Variants in CBL observed in about 807,000 individuals in gnomAD.
CBL encodes the protein Cbl proto-oncogene.
In CBL, 45 loss-of-function variants were observed where a neutral mutation model predicts 96.9. The ratio of observed to expected loss-of-function variants is 0.46; its 90% CI spans 0.37 to 0.60. The LOEUF is 0.60. Among genes scored for constraint, CBL ranks in the 20% least tolerant of loss-of-function variants. The pLI is 0.00. For missense variants in CBL, 1,024 were observed against 1,143.5 expected (o/e 0.90, Z 1.51); for synonymous variants, 420 against 426.8 (o/e 0.98, Z 0.20).
At chr11:119,214,673 T>C (rs1212952808) in intron 1 of CBL, among the ~76,000 whole-genome samples, 2 of 152,240 alleles carry the variant, frequency 1.3e-5, no homozygotes, top group Non-Finnish European at 2.9e-5. Flanking sequence ...TGTGTGGTGA[T>C]CATAGAGGCT....
At chr11:119,207,208 G>A (rs1483529886) in intron 1 of CBL, among the ~76,000 whole-genome samples, 2 of 152,174 alleles carry the variant, frequency 1.3e-5, no homozygotes, top group African/African-American at 2.4e-5. Context: ...GGCAAGGAAA[G>A]AACTTTCCTC....
intron 1 of CBL, among the ~76,000 whole-genome samples, chr11:119,231,978 C>T (rs551165732): frequency 2.6e-5 from 4 of 151,356 alleles, no homozygotes; most frequent in Admixed American, 1.3e-4. Flanking sequence ...TATGCATGGC[C>T]GTAGTCCCAG....
In CBL at chr11:119,237,413, T is replaced by A. The variant is rs191110469; in HGVS notation, c.443+4718T>A. Among the ~76,000 whole-genome samples the A allele has an allele frequency of 5.8e-3, 886 of 152,344 alleles. 4 individuals carry two copies. Among genetic ancestry groups the A allele is most frequent in the Non-Finnish European group, 8.5e-3 (581 of 68,020 alleles). ...TGCCTTGAATCACAAAAGTTTTTAA[T>A]TATGGTGAAGACCAATATTTATTTG... On this transcript the variant is annotated intron_variant, in intron 2 of 15. Coordinates refer to ENST00000264033, the MANE Select transcript of CBL (RefSeq NM_005188.4).
intron 1 of CBL, among the ~76,000 whole-genome samples, chr11:119,211,034 A>G (rs1257442822): frequency 6.6e-6 from 1 of 152,186 alleles, no homozygotes; most frequent in Non-Finnish European, 1.5e-5. Flanking sequence ...GTACAATTAC[A>G]AAATACACTG....
chr11:119,210,166 C>T (rs1001730658), intron 1 of CBL, among the ~76,000 whole-genome samples: 1 of 152,108 alleles, frequency 6.6e-6, no homozygotes, highest in African/African-American at 2.4e-5. Flanking sequence ...CATTTGATCC[C>T]AGCTTCAGCC....
rs1949969399 is a variant in CBL at position 119,284,994 on chromosome 11, C to T, written c.1457C>T (p.Ser486Phe). ...GTGGAACGGCCGCCTTCTCCATTCT[C>T]CATGGCCCCACAAGCTTCCCTTCCC... ...AKVERPPSPF[S>F]MAPQASLPPV... Residue 486 changes from serine to phenylalanine, a missense_variant, in exon 10 of 16, where the codon TCC (serine) becomes TTC (phenylalanine). Transcript: ENST00000264033. The T allele has an allele frequency of 2.5e-6, 4 of 1,614,176 alleles. No homozygotes were observed. Among genetic ancestry groups the T allele is most frequent in the Non-Finnish European group, 3.4e-6 (4 of 1,180,022 alleles).
intron 1 of CBL, among the ~76,000 whole-genome samples, chr11:119,208,018 C>T (rs1180416316): frequency 6.6e-6 from 1 of 152,154 alleles, no homozygotes; most frequent in African/African-American, 2.4e-5. Flanking sequence ...TGGCTTTTCT[C>T]ATGTTAAATA....
rs1950090062 is a variant in CBL at position 119,299,876 on chromosome 11, C to T, written c.*95C>T. 2.5e-6 allele frequency: 3 copies of T among 1,218,300 alleles called. No individual in the cohort carries two copies. Among genetic ancestry groups the T allele is most frequent in the Non-Finnish European group, 3.6e-6 (3 of 831,188 alleles). The allele number at this position is 1,218,300 out of a possible 1,614,324, so 75.5% of individuals were successfully genotyped here. On this transcript the variant is annotated 3_prime_UTR_variant, in exon 16 of 16. Coordinates refer to ENST00000264033, the MANE Select transcript of CBL (RefSeq NM_005188.4). The stretch of plus-strand genomic sequence containing the variant: ...AGGGCAGGAGTTCCTTTGGTGACTT[C>T]ACAGTGAAGTCTTGCCCTCTCTGTG...
At chr11:119,273,616 A>G (rs1160900773) in intron 3 of CBL, among the ~76,000 whole-genome samples, 1 of 152,108 alleles carries the variant, frequency 6.6e-6, no homozygotes, top group Non-Finnish European at 1.5e-5. Flanking sequence ...AAGTTTCACC[A>G]TATTGCCCAG....
rs112214824 is a variant in CBL, at chr11:119,277,239, G to GCACACACACACACACACACACA, written c.1008-517_1008-516insACACACACACACACACACACAC. 2.9e-3 allele frequency among the ~76,000 whole-genome samples: 407 copies of GCACACACACACACACACACACA among 138,314 alleles called. 5 individuals are homozygous for GCACACACACACACACACACACA. Among genetic ancestry groups the GCACACACACACACACACACACA allele is most frequent in the African/African-American group, 0.011 (376 of 33,734 alleles). 90.7% of individuals were successfully genotyped at this position (138,314 alleles called of 152,430 possible). A position where few individuals can be genotyped will look rare whatever the true frequency, so the allele number is the denominator to read the frequency against. On this transcript the variant is annotated intron_variant, in intron 6 of 15. Coordinates refer to ENST00000264033, the MANE Select transcript of CBL (RefSeq NM_005188.4). ...CTCAAAAAAAAAATAAGAATCTGTC[G>GCACACACACACACACACACACA]CGCACACACACACACACACACACAC...
chr11:119,289,830 C>T (rs1211704089), intron 12 of CBL, among the ~76,000 whole-genome samples: 3 of 152,172 alleles, frequency 2.0e-5, no homozygotes, highest in African/African-American at 7.2e-5. Flanking sequence ...GCAGCCTCAA[C>T]ATACTGGGCT....
At position 119,210,650 on chromosome 11, in the gene CBL, T is replaced by C. The variant is rs550835190; in HGVS notation, c.195+4038T>C. On this transcript the variant is annotated intron_variant, in intron 1 of 15. Coordinates refer to ENST00000264033, the MANE Select transcript of CBL (RefSeq NM_005188.4). ...TTTTACTAGAGACGGATTTTCACCA[T>C]GTTGGCCAGGCTGCTCTCGAACTCC... Among the ~76,000 whole-genome samples the C allele has an allele frequency of 2.0e-4, 29 of 143,830 alleles. No homozygotes were observed. In the East Asian group the frequency reaches 4.6e-3, roughly 23 times the overall value. 94.4% of individuals were successfully genotyped at this position (143,830 alleles called of 152,430 possible).
At chr11:119,231,460 C>T (rs952916013) in intron 1 of CBL, among the ~76,000 whole-genome samples, 1 of 151,200 alleles carries the variant, frequency 6.6e-6, no homozygotes, top group Non-Finnish European at 1.5e-5. Context: ...GCTGTAATCC[C>T]AGCACTTTGG....
intron 2 of CBL, among the ~76,000 whole-genome samples, chr11:119,248,801 A>G (rs1261954746): frequency 6.6e-6 from 1 of 152,220 alleles, no homozygotes; most frequent in Non-Finnish European, 1.5e-5. Context: ...AAACAAACCA[A>G]TTCAAAAATG....
chr11:119,216,757 C>T (rs561819709), intron 1 of CBL, among the ~76,000 whole-genome samples: 14 of 152,206 alleles, frequency 9.2e-5, no homozygotes, highest in South Asian at 4.1e-4. Flanking sequence ...AGATACAGAA[C>T]GAAATGTAGA....
At chr11:119,264,419 TTCTCTTCTC>T (rs1949781896) in intron 2 of CBL, among the ~76,000 whole-genome samples, 1 of 122,304 alleles carries the variant, frequency 8.2e-6, no homozygotes, top group South Asian at 2.4e-4. Context: ...TTCTCTTCTC[TTCTCTTCTC>T]TTCTCTTCTC....
In CBL at chr11:119,308,080, A is replaced by G. The variant is rs1405588429; in HGVS notation, c.*8299A>G. ...CATTTCCATACACAGTTAGTTAACT[A>G]AAGAGCTTTTTCAAGCACCCATGTC... is the stretch of plus-strand genomic sequence containing the variant. On this transcript the variant is annotated 3_prime_UTR_variant, in exon 16 of 16. Transcript: ENST00000264033. 5.7e-6 allele frequency: 1 copy of G among 176,646 alleles called. No individual in the cohort carries two copies. The allele number at this position is 176,646 out of a possible 1,614,324, so 10.9% of individuals were successfully genotyped here.
At chr11:119,290,587 T>C (rs1264767497) in intron 12 of CBL, among the ~76,000 whole-genome samples, 2 of 142,776 alleles carry the variant, frequency 1.4e-5, no homozygotes, top group Admixed American at 6.8e-5. Context: ...GCCACTGCAC[T>C]CCAGCCTGGG....
intron 12 of CBL, among the ~76,000 whole-genome samples, chr11:119,296,155 A>C (rs915988900): frequency 6.6e-6 from 1 of 152,202 alleles, no homozygotes; most frequent in African/African-American, 2.4e-5. Context: ...AAGCAGACAA[A>C]CGAAAGAGAT....
Sources: allele counts gnomAD v4.1 joint callset (sites outside exome capture counted in the v4.1 genomes callset), GRCh38; gene constraint gnomAD v4.1.1; transcripts MANE v1.5; gene names NCBI Gene and HGNC (gene_info 2026-07-23, HGNC 2026-07-21).